ARHGEF3: variants seen among roughly 807,000 people sequenced by gnomAD.
The protein encoded by ARHGEF3 is Rho guanine nucleotide exchange factor 3.
A neutral mutation model predicts 63.2 loss-of-function variants in ARHGEF3; 28 were observed. That is an observed-to-expected ratio of 0.44 (90% CI 0.33 to 0.61). The LOEUF is 0.61. Ranked by LOEUF, ARHGEF3 falls within the 20% of genes least tolerant of loss-of-function variation. The pLI is 0.03. For synonymous variants in ARHGEF3, 266 were observed against 254.2 expected, an observed-to-expected ratio of 1.05 and a Z score of -0.44; for missense variants, 533 against 659.3, an observed-to-expected ratio of 0.81 and a Z score of 2.10.
chr3:56,808,801 T>G (rs2037960164), intron 4 of ARHGEF3, among the ~76,000 whole-genome samples: 1 of 152,188 alleles, frequency 6.6e-6, no homozygotes, highest in Admixed American at 6.5e-5. Context: ...TATTTTTGAT[T>G]GATTGTCAGT....
intron 2 of ARHGEF3, among the ~76,000 whole-genome samples, chr3:57,011,960 T>C (rs1702719795): frequency 6.6e-6 from 1 of 152,166 alleles, no homozygotes; most frequent in Non-Finnish European, 1.5e-5. Flanking sequence ...CAGCACTGAC[T>C]GGCCCTGGGT....
intron 3 of ARHGEF3, among the ~76,000 whole-genome samples, chr3:56,919,863 G>T (rs560894094): frequency 6.6e-6 from 1 of 152,186 alleles, no homozygotes; most frequent in Non-Finnish European, 1.5e-5. Context: ...TGGCCTAGAG[G>T]TGGTGAGGTT....
chr3:57,007,049 T>C, intron 2 of ARHGEF3: 1 of 799,158 alleles, frequency 1.3e-6, no homozygotes, highest in Non-Finnish European at 1.7e-6. Context: ...GGTCACACTG[T>C]GCTCCTCACT....
At chr3:56,857,738 T>G (rs2039934367) in intron 4 of ARHGEF3, among the ~76,000 whole-genome samples, 1 of 152,168 alleles carries the variant, frequency 6.6e-6, no homozygotes, top group South Asian at 2.1e-4. Context: ...AAAAGTTTCT[T>G]TGCTCTTTGG....
chr3:56,771,681 G>C (rs932648786), intron 2 of ARHGEF3, among the ~76,000 whole-genome samples: 4 of 152,204 alleles, frequency 2.6e-5, no homozygotes, highest in Non-Finnish European at 5.9e-5. Context: ...ATGAGGGCAA[G>C]AAGAGCCTAA....
At chr3:56,852,552 T>A (rs2039715343) in intron 4 of ARHGEF3, among the ~76,000 whole-genome samples, 1 of 152,164 alleles carries the variant, frequency 6.6e-6, no homozygotes, top group African/African-American at 2.4e-5. Context: ...TGCTGTTTTT[T>A]CAAATTCTCT....
intron 4 of ARHGEF3, among the ~76,000 whole-genome samples, chr3:56,816,833 G>A (rs547120267): frequency 8.5e-5 from 13 of 152,284 alleles, no homozygotes; most frequent in Admixed American, 2.6e-4. Context: ...TAATTCACAG[G>A]CCAGTCACAA....
At chr3:56,854,301 G>A (rs2039792564) in intron 4 of ARHGEF3, among the ~76,000 whole-genome samples, 1 of 152,180 alleles carries the variant, frequency 6.6e-6, no homozygotes, top group African/African-American at 2.4e-5. Context: ...CTATGTCAAG[G>A]AAGCCCAGAT....
chr3:56,935,275 T>C (rs1023742500), intron 3 of ARHGEF3, among the ~76,000 whole-genome samples: 4 of 152,138 alleles, frequency 2.6e-5, no homozygotes, highest in Admixed American at 2.6e-4. Context: ...GATGGGGACG[T>C]GGAGAACCTT....
At chr3:57,016,952 G>A (rs920485363) in intron 2 of ARHGEF3, among the ~76,000 whole-genome samples, 6 of 151,136 alleles carry the variant, frequency 4.0e-5, no homozygotes, top group Admixed American at 6.6e-5. Context: ...CTCAGTCCCC[G>A]AAACAAGACA....
At chr3:56,853,092 T>TA (rs1241811870) in intron 4 of ARHGEF3, among the ~76,000 whole-genome samples, 1 of 152,212 alleles carries the variant, frequency 6.6e-6, no homozygotes, top group Non-Finnish European at 1.5e-5. Flanking sequence ...AATCTATACA[T>TA]ATGATGAACT....
chr3:56,924,248 T>C (rs1348963600), intron 3 of ARHGEF3, among the ~76,000 whole-genome samples: 1 of 152,204 alleles, frequency 6.6e-6, no homozygotes, highest in Non-Finnish European at 1.5e-5. Context: ...CATTGAGAAC[T>C]AGTTGCTTCC....
chr3:56,735,743 A>G (rs1000202075), intron 8 of ARHGEF3, among the ~76,000 whole-genome samples: 6 of 152,208 alleles, frequency 3.9e-5, no homozygotes, highest in Non-Finnish European at 8.8e-5. Flanking sequence ...GTAACTCTCT[A>G]GTCCCACAGA....
chr3:56,870,811 T>C (rs1016838079), intron 4 of ARHGEF3, among the ~76,000 whole-genome samples: 27 of 118,046 alleles, frequency 2.3e-4, no homozygotes, highest in African/African-American at 8.1e-4. Context: ...GTCTACCCTA[T>C]ATAGAAGAAA....
chr3:56,822,601 C>T (rs1398695581), intron 4 of ARHGEF3, among the ~76,000 whole-genome samples: 2 of 152,042 alleles, frequency 1.3e-5, no homozygotes. Flanking sequence ...TGATTCATAC[C>T]TATAATCCTA....
intron 6 of ARHGEF3, among the ~76,000 whole-genome samples, chr3:56,749,151 C>T (rs950069563): frequency 6.6e-5 from 10 of 152,142 alleles, no homozygotes; most frequent in African/African-American, 2.2e-4. Context: ...CCATTTCTCA[C>T]GAAGTCTGGC....
Position 56,967,845 on chromosome 3 carries a change from T to TATAATATATAATGACATATTA in ARHGEF3, c.63-8957_63-8956insTAATATGTCATTATATATTAT, listed in dbSNP as rs1160107724. 1.7e-3 allele frequency among the ~76,000 whole-genome samples: 79 copies of TATAATATATAATGACATATTA among 45,996 alleles called. 1 individual carries two copies. The East Asian group carries it at 0.05, about 29-fold the overall frequency. 30.2% of individuals were successfully genotyped at this position (45,996 alleles called of 152,430 possible). A position where few individuals can be genotyped will look rare whatever the true frequency, so the allele number is the denominator to read the frequency against. On this transcript the variant is annotated intron_variant, in intron 2 of 12. Transcript: ENST00000338458. ...AATATAATATATATTAATTATATTA[T>TATAATATATAATGACATATTA]TATATAATATATAATGACATATATA... is the stretch of plus-strand genomic sequence containing the variant.
chr3:56,870,952 T>C (rs929394433), intron 4 of ARHGEF3, among the ~76,000 whole-genome samples: 1 of 152,138 alleles, frequency 6.6e-6, no homozygotes, highest in African/African-American at 2.4e-5. Context: ...AAAAGCAAGT[T>C]GAAAATTAAA....
At chr3:56,779,639 T>A (rs1485875553) in intron 1 of ARHGEF3, among the ~76,000 whole-genome samples, 4 of 152,240 alleles carry the variant, frequency 2.6e-5, no homozygotes, top group Non-Finnish European at 5.9e-5. Context: ...TTCCCAGCTA[T>A]AAGCTTTACT....
Sources: allele counts gnomAD v4.1 joint callset (sites outside exome capture counted in the v4.1 genomes callset), GRCh38; gene constraint gnomAD v4.1.1; transcripts MANE v1.5; gene names NCBI Gene and HGNC (gene_info 2026-07-23, HGNC 2026-07-21).